NOL4: variants seen among roughly 807,000 people sequenced by gnomAD.
The protein encoded by NOL4 is cancer/testis antigen 125.
A neutral mutation model predicts 75.9 loss-of-function variants in NOL4; 17 were observed. That is an observed-to-expected ratio of 0.22 (90% CI 0.15 to 0.34). The LOEUF (loss-of-function observed/expected upper bound fraction) is 0.34, where lower values mean the gene tolerates loss of function less well. Among genes scored for constraint, NOL4 ranks in the 10% least tolerant of loss-of-function variants. The probability of loss-of-function intolerance (pLI) is 1.00; values close to 1 mark genes in which losing one functional copy is unlikely to be tolerated. For missense variants in NOL4, 614 were observed against 793.5 expected (o/e 0.77, Z 2.72); for synonymous variants, 292 against 289.9 (o/e 1.01, Z -0.07).
At chr18:34,182,314 C>T (rs895900299) in intron 1 of NOL4, among the ~76,000 whole-genome samples, 2 of 151,640 alleles carry the variant, frequency 1.3e-5, no homozygotes, top group East Asian at 3.9e-4. Flanking sequence ...AGTTCCCATA[C>T]TGTATCAATA....
intron 2 of NOL4, among the ~76,000 whole-genome samples, chr18:34,122,335 G>A (rs1196496506): frequency 6.6e-6 from 1 of 151,994 alleles, no homozygotes; most frequent in Non-Finnish European, 1.5e-5. Context: ...TCAAATTTAT[G>A]AGAAAATCAT....
At chr18:33,866,866 A>G (rs559434631) in intron 10 of NOL4, among the ~76,000 whole-genome samples, 4 of 152,302 alleles carry the variant, frequency 2.6e-5, no homozygotes, top group African/African-American at 9.6e-5. Flanking sequence ...ATATATTTAC[A>G]TACATGTATA....
chr18:33,913,975 C>G (rs2066560605), intron 9 of NOL4, among the ~76,000 whole-genome samples: 1 of 152,064 alleles, frequency 6.6e-6, no homozygotes, highest in African/African-American at 2.4e-5. Context: ...GGTAATGACC[C>G]AGTGTAGAGA....
chr18:34,020,920 G>C (rs892882386), intron 5 of NOL4, among the ~76,000 whole-genome samples: 2 of 152,086 alleles, frequency 1.3e-5, no homozygotes, highest in African/African-American at 2.4e-5. Flanking sequence ...ATATAAATAT[G>C]GCTGAGCAAA....
At chr18:34,048,222 C>T (rs1180321345) in intron 5 of NOL4, among the ~76,000 whole-genome samples, 1 of 152,040 alleles carries the variant, frequency 6.6e-6, no homozygotes, top group Non-Finnish European at 1.5e-5. Flanking sequence ...CTAATTTTAC[C>T]ATGCTCCTGA....
At chr18:34,197,280 T>A (rs554544593) in intron 1 of NOL4, among the ~76,000 whole-genome samples, 5 of 152,090 alleles carry the variant, frequency 3.3e-5, no homozygotes, top group Admixed American at 6.6e-5. Context: ...ATAGATTTTT[T>A]AAAAAATGGC....
intron 5 of NOL4, among the ~76,000 whole-genome samples, chr18:34,055,147 A>G (rs1225323638): frequency 6.6e-6 from 1 of 151,692 alleles, no homozygotes. Context: ...TTTGTCATTT[A>G]AATTTTATAT....
chr18:33,868,555 A>G (rs1318851093), intron 10 of NOL4, among the ~76,000 whole-genome samples: 3 of 152,048 alleles, frequency 2.0e-5, no homozygotes, highest in Non-Finnish European at 4.4e-5. Flanking sequence ...TCACTATAAC[A>G]TAGATGCCTG....
chr18:33,861,531 C>A (rs914434613), intron 10 of NOL4, among the ~76,000 whole-genome samples: 1 of 151,466 alleles, frequency 6.6e-6, no homozygotes, highest in African/African-American at 2.4e-5. Flanking sequence ...CTCTTTTTTT[C>A]TTTATTAGTC....
At chr18:33,973,733 T>C (rs1237674924) in intron 6 of NOL4, among the ~76,000 whole-genome samples, 1 of 152,214 alleles carries the variant, frequency 6.6e-6, no homozygotes, top group Non-Finnish European at 1.5e-5. Context: ...GCGGGAGCAG[T>C]AATATTTTGA....
chr18:34,101,638 T>C (rs2079045284), intron 4 of NOL4, among the ~76,000 whole-genome samples: 1 of 152,134 alleles, frequency 6.6e-6, no homozygotes, highest in African/African-American at 2.4e-5. Context: ...TTAGCAGTTT[T>C]GTGGAGCGCA....
intron 9 of NOL4, among the ~76,000 whole-genome samples, chr18:33,906,900 G>A (rs1377879662): frequency 3.9e-5 from 6 of 152,164 alleles, no homozygotes; most frequent in South Asian, 4.2e-4. Flanking sequence ...ACAAAAAGCA[G>A]GGTCTGTTCT....
At chr18:34,123,537 A>ATATATATATATATATATATGGTTCTC (rs2080246057) in intron 2 of NOL4, among the ~76,000 whole-genome samples, 1 of 81,410 alleles carries the variant, frequency 1.2e-5, no homozygotes, top group South Asian at 4.2e-4. Context: ...ATAACCATAT[A>ATATATATATATATATATATGGTTCTC]TATATATATA....
rs2076231703 is a variant in NOL4, at chr18:34,043,550, A to C, written c.773-23949T>G. On this transcript the variant is annotated intron_variant, in intron 5 of 10. Coordinates refer to ENST00000261592, the MANE Select transcript of NOL4 (RefSeq NM_003787.5). ...TCTACAATGCATCATAAGAAATGAC[A>C]ATGTGAGGTGCAGAATGAGCTGGAA... 2.0e-5 allele frequency among the ~76,000 whole-genome samples: 3 copies of C among 152,078 alleles called. 1 individual carries two copies. The South Asian group carries it at 6.2e-4, about 31-fold the overall frequency.
chr18:33,905,117 C>A (rs375481949), intron 9 of NOL4, among the ~76,000 whole-genome samples: 42 of 152,172 alleles, frequency 2.8e-4, no homozygotes, highest in African/African-American at 1.0e-3. Context: ...TTGCAAGTTT[C>A]AGCTGGAGAA....
chr18:33,852,706 A>C lies in NOL4; in HGVS notation c.*136T>G, dbSNP rs2062674805. 3 of 762,648 alleles carry C rather than the reference A, an allele frequency of 3.9e-6. No individual in the cohort carries two copies. The highest frequency in any genetic ancestry group is 6.2e-6 in the Non-Finnish European group (3 of 481,868). The allele number at this position is 762,648 out of a possible 1,614,324, so 47.2% of individuals were successfully genotyped here. Reference sequence around the variant, plus strand: ...ACCTTAACACATCACTTACGGATCAAGGACAATGTGGCATAATGGAAGTAT... The same window carrying C: ...ACCTTAACACATCACTTACGGATCACGGACAATGTGGCATAATGGAAGTAT... On this transcript the variant is annotated 3_prime_UTR_variant, in exon 11 of 11. Coordinates refer to ENST00000261592, the MANE Select transcript of NOL4 (RefSeq NM_003787.5).
At chr18:34,053,571 A>T (rs1445179677) in intron 5 of NOL4, among the ~76,000 whole-genome samples, 1 of 151,988 alleles carries the variant, frequency 6.6e-6, no homozygotes, top group Admixed American at 6.6e-5. Flanking sequence ...ATTGTCTCTG[A>T]GCCAGATAAC....
chr18:34,018,960 A>T (rs1298692595), intron 6 of NOL4, among the ~76,000 whole-genome samples: 2 of 152,152 alleles, frequency 1.3e-5, no homozygotes, highest in Non-Finnish European at 2.9e-5. Context: ...GAGAAACTAG[A>T]TAGTGATCCT....
chr18:33,857,829 T>G (rs1287307781), intron 10 of NOL4, among the ~76,000 whole-genome samples: 1 of 152,102 alleles, frequency 6.6e-6, no homozygotes, highest in Non-Finnish European at 1.5e-5. Flanking sequence ...TGCTTTATGT[T>G]TTAACAAACT....
Sources: gnomAD v4.1 joint callset for allele counts (sites outside exome capture counted in the v4.1 genomes callset) on GRCh38, gnomAD v4.1.1 for gene constraint, MANE v1.5 for transcripts, NCBI Gene and HGNC (gene_info 2026-07-23, HGNC 2026-07-21) for gene names.